TTC39C: variants seen among roughly 807,000 people sequenced by gnomAD.
The protein encoded by TTC39C is tetratricopeptide repeat domain 39C, also known as tetratricopeptide repeat protein 39C.
TTC39C carries 33 observed loss-of-function variants against 76.3 expected under a neutral mutation model. The observed-to-expected ratio is 0.43, with a 90% CI of 0.33 to 0.58. The LOEUF is 0.58. Ranked by LOEUF, TTC39C falls within the 20% of genes least tolerant of loss-of-function variation. The probability of loss-of-function intolerance (pLI) is 0.04; values close to 1 mark genes in which losing one functional copy is unlikely to be tolerated. For missense variants in TTC39C, 595 were observed against 701.4 expected (o/e 0.85, Z 1.71); for synonymous variants, 254 against 260.6 (o/e 0.97, Z 0.24).
At chr18:24,021,420 C>T (rs1182076447) in intron 1 of TTC39C, among the ~76,000 whole-genome samples, 3 of 152,114 alleles carry the variant, frequency 2.0e-5, no homozygotes, top group Admixed American at 1.3e-4. Flanking sequence ...GAACAAGTGA[C>T]TGCGAATACA....
chr18:24,087,910 C>T (rs1377736292), intron 6 of TTC39C, among the ~76,000 whole-genome samples: 3 of 152,158 alleles, frequency 2.0e-5, no homozygotes, highest in Non-Finnish European at 4.4e-5. Context: ...TTTTGGAAAT[C>T]GAAATCTGGG....
At chr18:24,011,770 C>T (rs1599230981), upstream of TTC39C, among the ~76,000 whole-genome samples, 1 of 152,318 alleles carries the variant, frequency 6.6e-6, no homozygotes, top group Admixed American at 6.5e-5. Flanking sequence ...GTTATTTCCA[C>T]CACTCGCTGG....
At chr18:24,052,376 G>A (rs1457221635) in intron 1 of TTC39C, among the ~76,000 whole-genome samples, 1 of 152,128 alleles carries the variant, frequency 6.6e-6, no homozygotes, top group Non-Finnish European at 1.5e-5. Context: ...TGTACTTGGT[G>A]TTCAGCAAAC....
chr18:24,066,189 T>C (rs780006835), intron 3 of TTC39C, 49 bp downstream of exon 3: 63 of 1,545,784 alleles, frequency 4.1e-5, no homozygotes, highest in Non-Finnish European at 5.1e-5. Flanking sequence ...TTATTTAGAA[T>C]ATCACTTTTG....
At chr18:24,067,547 A>G (rs1201198944) in intron 3 of TTC39C, among the ~76,000 whole-genome samples, 1 of 152,160 alleles carries the variant, frequency 6.6e-6, no homozygotes, top group Non-Finnish European at 1.5e-5. Flanking sequence ...TGAGATTGTC[A>G]TAGGAGCATG....
At chr18:24,105,776 A>G (rs1487806459) in intron 6 of TTC39C, among the ~76,000 whole-genome samples, 1 of 152,252 alleles carries the variant, frequency 6.6e-6, no homozygotes, top group Non-Finnish European at 1.5e-5. Flanking sequence ...CACGGCTGCC[A>G]TAACAAAGTA....
At chr18:24,043,492 A>G (rs1238482999) in intron 1 of TTC39C, among the ~76,000 whole-genome samples, 1 of 152,226 alleles carries the variant, frequency 6.6e-6, no homozygotes, top group Non-Finnish European at 1.5e-5. Context: ...TTAAAGGGAT[A>G]GGAACAACTC....
At chr18:24,096,522 A>G (rs1487194729) in intron 6 of TTC39C, among the ~76,000 whole-genome samples, 2 of 152,178 alleles carry the variant, frequency 1.3e-5, no homozygotes, top group East Asian at 3.8e-4. Context: ...CTGTTTTTAA[A>G]TTGTAAACGG....
chr18:24,134,926 A>T lies in TTC39C; in HGVS notation c.*2352A>T, dbSNP rs1365950634. On this transcript the variant is annotated 3_prime_UTR_variant, in exon 14 of 14. Coordinates refer to ENST00000317571, the MANE Select transcript of TTC39C (RefSeq NM_001135993.2). ...TTCAGCTCACTTAACTGGATAGACA[A>T]TTTTGCGTTTTGCAACACCATCCTG... 6.6e-6 allele frequency: 1 copy of T among 152,106 alleles called. No individual in the cohort carries two copies. The highest frequency in any genetic ancestry group is 1.5e-5 in the Non-Finnish European group (1 of 68,002). The allele number at this position is 152,106 out of a possible 1,614,324, so 9.4% of individuals were successfully genotyped here.
intron 1 of TTC39C, among the ~76,000 whole-genome samples, chr18:23,996,279 A>C (rs1258507423): frequency 6.6e-6 from 1 of 152,194 alleles, no homozygotes; most frequent in Non-Finnish European, 1.5e-5. Context: ...AGAGAGATGG[A>C]AGAGGGGCAG....
intron 1 of TTC39C, among the ~76,000 whole-genome samples, chr18:24,059,770 C>T (rs111775864): frequency 0.061 from 9,297 of 152,062 alleles, 889 homozygotes; most frequent in African/African-American, 0.21. Flanking sequence ...TTTGTTTTCA[C>T]GCTGCTGATA....
At chr18:24,103,231 G>A (rs1268666877) in intron 6 of TTC39C, among the ~76,000 whole-genome samples, 1 of 152,196 alleles carries the variant, frequency 6.6e-6, no homozygotes, top group Non-Finnish European at 1.5e-5. Flanking sequence ...AGTATGTCAA[G>A]GTACAGATAA....
At chr18:24,030,535 C>T (rs965358703) in intron 1 of TTC39C, among the ~76,000 whole-genome samples, 3 of 151,948 alleles carry the variant, frequency 2.0e-5, no homozygotes, top group Non-Finnish European at 4.4e-5. Context: ...CACAGACAAA[C>T]AGTGACAGTG....
intron 3 of TTC39C, 110 bp from the exon 4 acceptor site, chr18:24,069,047 G>C: frequency 1.1e-6 from 1 of 896,142 alleles, no homozygotes; most frequent in Non-Finnish European, 1.7e-6. Context: ...TGAGTGCCAG[G>C]TTTCACAATT....
At chr18:24,079,244 A>G (rs969596154) in intron 4 of TTC39C, among the ~76,000 whole-genome samples, 1 of 152,192 alleles carries the variant, frequency 6.6e-6, no homozygotes, top group African/African-American at 2.4e-5. Flanking sequence ...TTCTTCAAAA[A>G]TGAGATGATG....
chr18:24,029,530 TTG>T (rs2083642323), intron 1 of TTC39C, among the ~76,000 whole-genome samples: 1 of 152,218 alleles, frequency 6.6e-6, no homozygotes, highest in African/African-American at 2.4e-5. Context: ...TTCAGTAGTT[TTG>T]GGGGAACAGG....
intron 6 of TTC39C, among the ~76,000 whole-genome samples, chr18:24,106,091 C>T (rs941744448): frequency 6.6e-6 from 1 of 152,202 alleles, no homozygotes; most frequent in African/African-American, 2.4e-5. Context: ...CTGGTCTAAA[C>T]CTAGCTCATC....
intron 1 of TTC39C, among the ~76,000 whole-genome samples, chr18:24,051,340 A>G (rs112842941): frequency 5.4e-4 from 82 of 152,374 alleles, no homozygotes; most frequent in African/African-American, 1.9e-3. Context: ...TATCACAAGC[A>G]GTTAACAAAA....
chr18:24,090,954 G>A (rs1338582885), intron 6 of TTC39C, among the ~76,000 whole-genome samples: 2 of 151,904 alleles, frequency 1.3e-5, no homozygotes, highest in African/African-American at 2.4e-5. Flanking sequence ...CTACAGGTGT[G>A]CGCCACCATG....
Sources: gnomAD v4.1 joint callset for allele counts (sites outside exome capture counted in the v4.1 genomes callset) on GRCh38, gnomAD v4.1.1 for gene constraint, MANE v1.5 for transcripts, NCBI Gene and HGNC (gene_info 2026-07-23, HGNC 2026-07-21) for gene names.